Variants in WDR59 observed in about 807,000 individuals in gnomAD.
WDR59 encodes GATOR2 complex protein WDR59.
A neutral mutation model predicts 131.2 loss-of-function variants in WDR59; 100 were observed. The observed-to-expected ratio is 0.76, with a 90% CI of 0.65 to 0.90. The LOEUF is 0.90. Among genes scored for constraint, WDR59 ranks in the 40% least tolerant of loss-of-function variants. The pLI is 0.00. For missense variants in WDR59, 1,203 were observed against 1,262.2 expected (o/e 0.95, Z 0.71); for synonymous variants, 601 against 466.2 (o/e 1.29, Z -3.72).
chr16:74,909,906 G>C lies in WDR59; in HGVS notation c.1401C>G (p.Asp467Glu), dbSNP rs775524892. 1 of 1,611,556 alleles carries C rather than the reference G, an allele frequency of 6.2e-7. No individual in the cohort carries two copies. Among genetic ancestry groups the C allele is most frequent in the African/African-American group, 1.3e-5 (1 of 74,602 alleles). Reference protein sequence around the residue: ...MKAKLLKILKDTALQKVKRGQ... With the variant: ...MKAKLLKILKETALQKVKRGQ... The stretch of plus-strand genomic sequence containing the variant: ...CACGCTTCACTTTCTGCAGGGCTGT[G>C]TCCTTCAGGATCTAGAAAAGGCCCA... Residue 467 changes from aspartate to glutamate, a missense_variant, in exon 15 of 26, where the codon GAC becomes GAG. By Grantham distance (45) the Asp-to-Glu change is conservative (BLOSUM62 2). Transcript: ENST00000262144.
At chr16:74,938,111 A>T (rs1350923454) in intron 8 of WDR59, 39 bp downstream of exon 8, 2 of 1,396,244 alleles carry the variant, frequency 1.4e-6, no homozygotes, top group South Asian at 3.0e-5. Context: ...GATGCCACCC[A>T]AACACTGCTC....
intron 1 of WDR59, among the ~76,000 whole-genome samples, chr16:74,976,557 T>C (rs1175405444): frequency 6.6e-6 from 1 of 151,544 alleles, no homozygotes; most frequent in Non-Finnish European, 1.5e-5. Context: ...TTCTCCTGCC[T>C]CAGCCTCCTG....
intron 1 of WDR59, among the ~76,000 whole-genome samples, chr16:74,966,290 G>C (rs971852724): frequency 6.6e-6 from 1 of 152,036 alleles, no homozygotes; most frequent in African/African-American, 2.4e-5. Context: ...GACCAGCTTG[G>C]CCAACATGGT....
At chr16:74,887,495 A>G (rs2288042) in intron 23 of WDR59, among the ~76,000 whole-genome samples, 188 bp downstream of exon 23, 7 of 151,960 alleles carry the variant, frequency 4.6e-5, no homozygotes, top group Admixed American at 4.6e-4. Context: ...AGGCACAAAG[A>G]CCCCCAGAAC....
chr16:74,979,587 C>G (rs186576279), intron 1 of WDR59, among the ~76,000 whole-genome samples: 1 of 151,724 alleles, frequency 6.6e-6, no homozygotes, highest in Non-Finnish European at 1.5e-5. Context: ...GTCACCCAGG[C>G]TGGAGTGCAG....
At chr16:74,891,671 C>G (rs935580658) in intron 20 of WDR59, among the ~76,000 whole-genome samples, 1 of 152,176 alleles carries the variant, frequency 6.6e-6, no homozygotes, top group African/African-American at 2.4e-5. Flanking sequence ...GCCTGTAATC[C>G]CAACACTTTG....
At position 74,909,565 on chromosome 16, in the gene WDR59, G is replaced by C. The variant is rs770359876; in HGVS notation, c.1578C>G (p.Tyr526Ter). 2 of 1,610,742 alleles carry C rather than the reference G, an allele frequency of 1.2e-6. No homozygotes were observed. The highest frequency in any genetic ancestry group is 1.7e-6 in the Non-Finnish European group (2 of 1,178,958). The change falls in exon 16 of 26, where the codon TAC (tyrosine) becomes TAG (stop). Residue 526 changes from tyrosine to a stop codon, truncating the protein, a stop_gained. Transcript: ENST00000262144. LOFTEE classifies it high-confidence loss of function. Reference protein sequence around the residue: ...LPTFARVTTAYGSYQDANIPF... With the variant: ...LPTFARVTTA ...GAATGTTGGCGTCCTGGTACGACCC[G>C]TAAGCCGTGGTCACCCGCGCAAACG...
Position 74,949,832 on chromosome 16 carries a change from G to C in WDR59, c.327-34C>G, listed in dbSNP as rs774302558. 4 of 1,608,730 alleles carry C rather than the reference G, an allele frequency of 2.5e-6. No homozygotes were observed. The South Asian group carries it at 3.3e-5, about 13-fold the overall frequency. On this transcript the variant is annotated intron_variant, in intron 4 of 25. Transcript: ENST00000262144. The stretch of plus-strand genomic sequence containing the variant: ...CAAAGAATAAACAGAACAAAGAAAA[G>C]GAAAAAAATTCAGAGTCCAGGTCCA...
intron 25 of WDR59, among the ~76,000 whole-genome samples, chr16:74,882,801 C>T (rs1964554251): frequency 3.9e-5 from 2 of 51,798 alleles, no homozygotes; most frequent in Non-Finnish European, 6.6e-5. Context: ...CAGAGCAACA[C>T]TGTCTCAAAA....
At chr16:74,911,207 T>C (rs1267775861) in intron 14 of WDR59, among the ~76,000 whole-genome samples, 1 of 152,156 alleles carries the variant, frequency 6.6e-6, no homozygotes, top group Non-Finnish European at 1.5e-5. Flanking sequence ...AACCTAATCG[T>C]ATCATTTTAT....
chr16:74,948,427 G>A, intron 6 of WDR59, 92 bp downstream of exon 6: 1 of 1,207,606 alleles, frequency 8.3e-7, no homozygotes, highest in South Asian at 1.2e-5. Context: ...GAGGGAGATG[G>A]AAAGGAATAG....
intron 8 of WDR59, among the ~76,000 whole-genome samples, chr16:74,925,543 CAA>C (rs35515333): frequency 2.5e-4 from 26 of 104,972 alleles, no homozygotes; most frequent in Non-Finnish European, 3.7e-4. Context: ...GACTCCATCT[CAA>C]AAAAAAAAAA....
intron 1 of WDR59, among the ~76,000 whole-genome samples, chr16:74,973,946 G>C (rs1375266214): frequency 6.6e-6 from 1 of 152,096 alleles, no homozygotes; most frequent in Non-Finnish European, 1.5e-5. Context: ...GAAGCAGGTG[G>C]ATCACCTGAG....
At chr16:74,960,671 G>A (rs1273284973) in intron 2 of WDR59, among the ~76,000 whole-genome samples, 1 of 150,716 alleles carries the variant, frequency 6.6e-6, no homozygotes, top group African/African-American at 2.4e-5. Context: ...CTTGAACCCA[G>A]GAAGCAGAGG....
At chr16:74,874,829 G>A (rs898506649) in intron 25 of WDR59, among the ~76,000 whole-genome samples, 3 of 152,184 alleles carry the variant, frequency 2.0e-5, no homozygotes, top group Non-Finnish European at 2.9e-5. Flanking sequence ...GACCTCAGGT[G>A]ATCCACCTGC....
intron 20 of WDR59, among the ~76,000 whole-genome samples, chr16:74,890,735 C>T (rs546446912): frequency 1.4e-4 from 21 of 152,162 alleles, no homozygotes; most frequent in Non-Finnish European, 2.6e-4. Flanking sequence ...TGAGCAGAAA[C>T]CAATAGCCTC....
At chr16:74,949,004 AAAAGAAAG>A (rs764836419) in intron 5 of WDR59, among the ~76,000 whole-genome samples, 3 of 152,154 alleles carry the variant, frequency 2.0e-5, no homozygotes, top group Admixed American at 6.6e-5. Context: ...GTCTCAGAAA[AAAAGAAAG>A]AAAGAAAGAA....
chr16:74,956,623 A>G lies in WDR59; in HGVS notation c.105-13T>C. On this transcript the variant is annotated splice_polypyrimidine_tract_variant and intron_variant, in intron 2 of 25. Coordinates refer to ENST00000262144, the MANE Select transcript of WDR59 (RefSeq NM_030581.4). ...TAAGAATCTGCGGCTAGAGACCAAC[A>G]TCAACATTATAATAGTATAAAAACA... is the stretch of plus-strand genomic sequence containing the variant. 6.2e-7 allele frequency: 1 copy of G among 1,613,710 alleles called. No individual in the cohort carries two copies. The highest frequency in any genetic ancestry group is 1.1e-5 in the South Asian group (1 of 90,944).
At chr16:74,963,482 C>T (rs1339283630) in intron 2 of WDR59, among the ~76,000 whole-genome samples, 2 of 152,000 alleles carry the variant, frequency 1.3e-5, no homozygotes, top group African/African-American at 4.8e-5. Flanking sequence ...AGCAAACTAA[C>T]ACAAGAACAG....
Sources: allele counts gnomAD v4.1 joint callset (sites outside exome capture counted in the v4.1 genomes callset), GRCh38; gene constraint gnomAD v4.1.1; transcripts MANE v1.5; gene names NCBI Gene and HGNC (gene_info 2026-07-23, HGNC 2026-07-21).